Variants in FAM13B observed in about 807,000 individuals in gnomAD.
The protein encoded by FAM13B is protein FAM13B.
Under a neutral mutation model 117.3 loss-of-function variants are expected in FAM13B, and 60 were observed. The ratio of observed to expected loss-of-function variants is 0.51; its 90% confidence interval spans 0.42 to 0.63. The LOEUF (loss-of-function observed/expected upper bound fraction) is 0.63, where lower values mean the gene tolerates loss of function less well. Among genes scored for constraint, FAM13B ranks in the 30% least tolerant of loss-of-function variants. FAM13B has a pLI of 0.00. For synonymous variants in FAM13B, 332 were observed against 356.1 expected, an observed-to-expected ratio of 0.93 and a Z score of 0.76; for missense variants, 972 against 1,091.9, an observed-to-expected ratio of 0.89 and a Z score of 1.55.
chr5:137,954,334 G>A lies in FAM13B; in HGVS notation c.1550C>T (p.Ser517Phe). ...AFKSWQEDSE[S>F]GEAQLSPQAG... ...TTGTGGAGACAGCTGAGCTTCTCCA[G>A]ACTCAGAGTCCTCCTGCCAAGACTT... Residue 517 changes from serine (S) to phenylalanine (F), a missense_variant, in exon 15 of 24, where the codon TCT (serine) becomes TTT (phenylalanine). Ser to Phe is a radical substitution (Grantham distance 155). Transcript: ENST00000689681. 1 of 1,613,920 alleles carries A rather than the reference G, an allele frequency of 6.2e-7. No homozygotes were observed. The highest frequency in any genetic ancestry group is 1.1e-5 in the South Asian group (1 of 91,064).
At chr5:138,042,753 T>A (rs1476901934) in intron 1 of FAM13B, among the ~76,000 whole-genome samples, 1 of 152,078 alleles carries the variant, frequency 6.6e-6, no homozygotes, top group Non-Finnish European at 1.5e-5. Flanking sequence ...ATGCTCTTAT[T>A]CTTGATATGA....
intron 17 of FAM13B, among the ~76,000 whole-genome samples, chr5:137,951,867 C>T (rs1765143147): frequency 6.6e-6 from 1 of 151,876 alleles, no homozygotes; most frequent in Admixed American, 6.6e-5. Flanking sequence ...ATCCCAGCTA[C>T]TCGGGAGGCT....
Position 137,939,928 on chromosome 5 carries a change from A to G in FAM13B, c.*297T>C. The stretch of plus-strand genomic sequence containing the variant: ...CCAAAGTTCTTGAAGTTGAAAGGAT[A>G]AAATTCCAGTCTTTTGCTAAAAGGA... On this transcript the variant is annotated 3_prime_UTR_variant, in exon 24 of 24. Coordinates refer to ENST00000689681, the MANE Select transcript of FAM13B (RefSeq NM_001385994.1). 1 of 1,344,662 alleles carries G rather than the reference A, an allele frequency of 7.4e-7. No homozygotes were observed. 83.3% of individuals were successfully genotyped at this position (1,344,662 alleles called of 1,614,324 possible). A position where few individuals can be genotyped will look rare whatever the true frequency, so the allele number is the denominator to read the frequency against.
chr5:138,009,225 C>A (rs1783322952), intron 6 of FAM13B, among the ~76,000 whole-genome samples: 1 of 152,154 alleles, frequency 6.6e-6, no homozygotes, highest in African/African-American at 2.4e-5. Flanking sequence ...CTGTATAATT[C>A]GTTGTGTTTA....
At chr5:138,005,049 G>A (rs936765671) in intron 7 of FAM13B, among the ~76,000 whole-genome samples, 1 of 152,016 alleles carries the variant, frequency 6.6e-6, no homozygotes, top group African/African-American at 2.4e-5. Context: ...ACCAGCCTGG[G>A]CAACATGGTG....
chr5:137,962,328 TA>T (rs915461700), intron 11 of FAM13B, 76 bp downstream of exon 11: 7 of 1,252,530 alleles, frequency 5.6e-6, no homozygotes, highest in African/African-American at 3.0e-5. Flanking sequence ...GACATTCATC[TA>T]AAAAAATCAC....
intron 9 of FAM13B, among the ~76,000 whole-genome samples, chr5:137,986,784 C>T (rs904150822): frequency 1.3e-5 from 2 of 152,148 alleles, no homozygotes; most frequent in African/African-American, 4.8e-5. Context: ...TTTCAGAGAG[C>T]ATGACAAACA....
At chr5:137,978,267 T>C (rs1774613013) in intron 10 of FAM13B, among the ~76,000 whole-genome samples, 2 of 152,188 alleles carry the variant, frequency 1.3e-5, no homozygotes, top group African/African-American at 4.8e-5. Flanking sequence ...TAGAAAAATC[T>C]TTGCATACAC....
At chr5:137,972,382 C>A (rs1772469977) in intron 10 of FAM13B, among the ~76,000 whole-genome samples, 1 of 152,128 alleles carries the variant, frequency 6.6e-6, no homozygotes, top group Non-Finnish European at 1.5e-5. Flanking sequence ...TCAATAGATG[C>A]AGAAAAGGCC....
chr5:137,953,285 C>T (rs1369223554), intron 16 of FAM13B, 51 bp downstream of exon 16: 1 of 1,595,120 alleles, frequency 6.3e-7, no homozygotes, highest in Admixed American at 1.7e-5. Context: ...AAACTATCCT[C>T]TCAGTTCTAA....
chr5:137,942,657 C>T, intron 22 of FAM13B: 1 of 503,430 alleles, frequency 2.0e-6, no homozygotes, highest in Non-Finnish European at 3.4e-6. Context: ...GCCACTGTGC[C>T]TGGCTAGATT....
At chr5:138,001,439 AAC>A (rs1781235400) in intron 7 of FAM13B, among the ~76,000 whole-genome samples, 1 of 152,220 alleles carries the variant, frequency 6.6e-6, no homozygotes, top group Admixed American at 6.5e-5. Context: ...TCTGTCTCAG[AAC>A]ACTGACACAT....
At chr5:137,967,127 G>A (rs989829878) in intron 10 of FAM13B, among the ~76,000 whole-genome samples, 3 of 151,070 alleles carry the variant, frequency 2.0e-5, no homozygotes, top group Admixed American at 6.6e-5. Flanking sequence ...AAAAAAAGAC[G>A]ATAAAGTTTA....
At chr5:138,024,329 G>C (rs144915804) in intron 1 of FAM13B, among the ~76,000 whole-genome samples, 3 of 152,080 alleles carry the variant, frequency 2.0e-5, no homozygotes, top group African/African-American at 4.8e-5. Flanking sequence ...AGAAAGAAGA[G>C]CATGTGAAGA....
At chr5:137,968,777 C>T (rs984722126) in intron 10 of FAM13B, among the ~76,000 whole-genome samples, 3 of 152,204 alleles carry the variant, frequency 2.0e-5, no homozygotes, top group Admixed American at 1.3e-4. Context: ...CAAAGCAGGG[C>T]GAGGCATTGC....
At chr5:137,992,855 G>A (rs898449847) in intron 7 of FAM13B, among the ~76,000 whole-genome samples, 1 of 152,162 alleles carries the variant, frequency 6.6e-6, no homozygotes, top group African/African-American at 2.4e-5. Flanking sequence ...AGGTGTTAAT[G>A]TCTTCATCTG....
chr5:138,011,150 C>T lies in FAM13B; in HGVS notation c.549-1G>A. ...CATGTCTTCCACATCTGTGTAAATGCTAAGAATAGAAGTCCAAATTGAATT... is the reference window on the plus strand; with the variant it reads ...CATGTCTTCCACATCTGTGTAAATGTTAAGAATAGAAGTCCAAATTGAATT... On this transcript the variant is annotated splice_acceptor_variant, in intron 5 of 23. Transcript: ENST00000689681. LOFTEE classifies it high-confidence loss of function. The T allele has an allele frequency of 6.3e-7, 1 of 1,599,928 alleles. No individual in the cohort carries two copies. Among genetic ancestry groups the T allele is most frequent in the Non-Finnish European group, 8.5e-7 (1 of 1,176,996 alleles).
intron 4 of FAM13B, among the ~76,000 whole-genome samples, chr5:138,015,306 C>T: frequency 6.6e-6 from 1 of 152,340 alleles, no homozygotes; most frequent in East Asian, 1.9e-4. Flanking sequence ...AATGAAACCA[C>T]TTTTTAAAAA....
At chr5:137,994,898 A>T (rs1435258795) in intron 7 of FAM13B, among the ~76,000 whole-genome samples, 1 of 152,220 alleles carries the variant, frequency 6.6e-6, no homozygotes, top group East Asian at 1.9e-4. Context: ...TATCCAAATA[A>T]AATAAGAAAC....
Sources: gnomAD v4.1 joint callset for allele counts (sites outside exome capture counted in the v4.1 genomes callset) on GRCh38, gnomAD v4.1.1 for gene constraint, MANE v1.5 for transcripts, NCBI Gene and HGNC (gene_info 2026-07-23, HGNC 2026-07-21) for gene names.